The following ROBO2 variants were observed in gnomAD, a reference collection of about 807,000 sequenced individuals.
ROBO2 encodes roundabout guidance receptor 2.
In ROBO2, 53 loss-of-function variants were observed where a neutral mutation model predicts 160.8. The observed-to-expected ratio is 0.33, with a 90% CI of 0.26 to 0.41. ROBO2 has a LOEUF of 0.41. Among genes scored for constraint, ROBO2 ranks in the 10% least tolerant of loss-of-function variants. The pLI, the probability that ROBO2 is intolerant of heterozygous loss-of-function variation, is 1.00. For synonymous variants in ROBO2, 664 were observed against 611.7 expected (o/e 1.09, Z -1.26); for missense variants, 1,577 against 1,722.4 (o/e 0.92, Z 1.49).
At chr3:76,703,292 T>C (rs1355903797) in intron 2 of ROBO2, among the ~76,000 whole-genome samples, 1 of 152,126 alleles carries the variant, frequency 6.6e-6, no homozygotes, top group Non-Finnish European at 1.5e-5. Flanking sequence ...TTACACTCTC[T>C]ATTGTAAATG....
chr3:77,430,463 T>G (rs115762518), intron 2 of ROBO2, among the ~76,000 whole-genome samples: 192 of 152,134 alleles, frequency 1.3e-3, no homozygotes, highest in South Asian at 3.5e-3. Context: ...TATTAAAAAT[T>G]TTATTGATAG....
intron 2 of ROBO2, among the ~76,000 whole-genome samples, chr3:76,121,463 A>G (rs2070749399): frequency 6.6e-6 from 1 of 152,170 alleles, no homozygotes; most frequent in African/African-American, 2.4e-5. Context: ...AATGATTATT[A>G]AGCAGATGTA....
chr3:76,804,784 T>C (rs2064541493), intron 2 of ROBO2, among the ~76,000 whole-genome samples: 1 of 152,172 alleles, frequency 6.6e-6, no homozygotes, highest in Non-Finnish European at 1.5e-5. Context: ...ATGAGCCAGT[T>C]CCTTAACATG....
chr3:76,047,853 T>G (rs957118750), intron 2 of ROBO2, among the ~76,000 whole-genome samples: 8 of 152,196 alleles, frequency 5.3e-5, no homozygotes, highest in Non-Finnish European at 1.0e-4. Context: ...AAAGAACTCC[T>G]GGGCTTTTAA....
At chr3:76,184,297 A>G (rs1159900746) in intron 2 of ROBO2, among the ~76,000 whole-genome samples, 2 of 151,970 alleles carry the variant, frequency 1.3e-5, no homozygotes, top group African/African-American at 4.8e-5. Context: ...CTCCTCCTCC[A>G]GTGGGTTGCC....
chr3:76,216,788 C>T (rs1259100796), intron 2 of ROBO2, among the ~76,000 whole-genome samples: 1 of 152,286 alleles, frequency 6.6e-6, no homozygotes, highest in East Asian at 1.9e-4. Flanking sequence ...AGGAATTGAA[C>T]TCAGCTCTGC....
intron 2 of ROBO2, among the ~76,000 whole-genome samples, chr3:77,268,584 A>G (rs987260682): frequency 6.6e-6 from 1 of 152,212 alleles, no homozygotes; most frequent in Non-Finnish European, 1.5e-5. Context: ...AAAACTGAAT[A>G]AATGATACTA....
chr3:77,236,047 G>A (rs2087924507), intron 2 of ROBO2, among the ~76,000 whole-genome samples: 1 of 152,226 alleles, frequency 6.6e-6, no homozygotes. Flanking sequence ...CTGTGACACA[G>A]CCCTCAGGAG....
At chr3:76,665,407 A>G (rs1477643220) in intron 2 of ROBO2, among the ~76,000 whole-genome samples, 1 of 152,034 alleles carries the variant, frequency 6.6e-6, no homozygotes, top group African/African-American at 2.4e-5. Flanking sequence ...TAATATATGA[A>G]TCATATCTGA....
chr3:77,107,557 A>G (rs1221839370), intron 2 of ROBO2, among the ~76,000 whole-genome samples: 2 of 152,232 alleles, frequency 1.3e-5, no homozygotes, highest in African/African-American at 4.8e-5. Flanking sequence ...ATCTATTTGC[A>G]TATCATTTAC....
At chr3:77,465,560 G>C (rs2082683291) in intron 2 of ROBO2, among the ~76,000 whole-genome samples, 1 of 152,098 alleles carries the variant, frequency 6.6e-6, no homozygotes, top group African/African-American at 2.4e-5. Flanking sequence ...GATGGTCAAG[G>C]TGACTCCAGT....
rs200388202 is a variant in ROBO2, at chr3:76,322,164, GTATATATATATATATATA to G, written c.109+384585_109+384602del. ...ATTTGAAATGATTTCTACTTCTTCC[GTATATATATATATATATA>G]TATATATATATATATATATATAATA... is the stretch of plus-strand genomic sequence containing the variant. On this transcript the variant is annotated intron_variant, in intron 2 of 26. Coordinates refer to the ROBO2 transcript ENST00000487694. Among the ~76,000 whole-genome samples the G allele has an allele frequency of 6.2e-4, 67 of 108,148 alleles. 3 individuals are homozygous for G. The highest frequency in any genetic ancestry group is 2.4e-3 in the African/African-American group (55 of 22,488). 70.9% of individuals were successfully genotyped at this position (108,148 alleles called of 152,430 possible). A position where few individuals can be genotyped will look rare whatever the true frequency, so the allele number is the denominator to read the frequency against.
chr3:76,993,966 AAT>A (rs1470731075), intron 2 of ROBO2, among the ~76,000 whole-genome samples: 1 of 152,082 alleles, frequency 6.6e-6, no homozygotes, highest in Non-Finnish European at 1.5e-5. Flanking sequence ...CCATTACTGA[AAT>A]ATGTCTCTGA....
chr3:77,362,287 T>C (rs992016683), intron 2 of ROBO2, among the ~76,000 whole-genome samples: 1 of 152,026 alleles, frequency 6.6e-6, no homozygotes, highest in Non-Finnish European at 1.5e-5. Flanking sequence ...ACTCCAAATA[T>C]AGCATGCACA....
intron 2 of ROBO2, among the ~76,000 whole-genome samples, chr3:76,098,973 A>G (rs769472190): frequency 6.6e-6 from 1 of 152,186 alleles, no homozygotes; most frequent in Non-Finnish European, 1.5e-5. Context: ...GCTGTGGGGC[A>G]AGTCAATGCA....
intron 2 of ROBO2, among the ~76,000 whole-genome samples, chr3:76,307,376 C>G (rs147397716): frequency 3.1e-4 from 47 of 152,288 alleles, no homozygotes; most frequent in African/African-American, 1.1e-3. Context: ...TGCAGTCTTC[C>G]TAACCATTCT....
chr3:76,148,673 C>A (rs898759908), intron 2 of ROBO2, among the ~76,000 whole-genome samples: 2 of 151,996 alleles, frequency 1.3e-5, no homozygotes, highest in Non-Finnish European at 2.9e-5. Context: ...AACTTGCTGC[C>A]TTATTGTAAT....
At chr3:77,340,950 G>A (rs763254123) in intron 2 of ROBO2, among the ~76,000 whole-genome samples, 33 of 152,142 alleles carry the variant, frequency 2.2e-4, no homozygotes, top group Admixed American at 3.9e-4. Flanking sequence ...GCTAGTCTAT[G>A]GGCCAAATCT....
At chr3:76,603,359 T>A (rs1370807231) in intron 2 of ROBO2, among the ~76,000 whole-genome samples, 78 of 86,808 alleles carry the variant, frequency 9.0e-4, no homozygotes, top group African/African-American at 2.6e-3. Flanking sequence ...AAAATATATA[T>A]ATATATATAT....
Sources: allele counts gnomAD v4.1 joint callset (sites outside exome capture counted in the v4.1 genomes callset), GRCh38; gene constraint gnomAD v4.1.1; transcripts MANE v1.5; gene names NCBI Gene and HGNC (gene_info 2026-07-23, HGNC 2026-07-21).